Variants in PTK7 observed in about 807,000 individuals in gnomAD.
PTK7 encodes protein tyrosine kinase 7 (inactive).
PTK7 carries 39 observed loss-of-function variants against 116.6 expected under a neutral mutation model. The ratio of observed to expected loss-of-function variants is 0.33; its 90% CI spans 0.26 to 0.44. The LOEUF (loss-of-function observed/expected upper bound fraction) is 0.44, where lower values mean the gene tolerates loss of function less well. Ranked by LOEUF, PTK7 falls within the 20% of genes least tolerant of loss-of-function variation. PTK7 has a pLI of 1.00. For missense variants in PTK7, 1,169 were observed against 1,425.6 expected, an observed-to-expected ratio of 0.82 and a Z score of 2.90; for synonymous variants, 546 against 563.6, an observed-to-expected ratio of 0.97 and a Z score of 0.44.
At chr6:43,100,594 A>T (rs1388809224) in intron 1 of PTK7, among the ~76,000 whole-genome samples, 1 of 152,164 alleles carries the variant, frequency 6.6e-6, no homozygotes, top group African/African-American at 2.4e-5. Flanking sequence ...TGAAGTTCCC[A>T]AATACTTTAT....
At position 43,076,781 on chromosome 6, in the gene PTK7, C is replaced by T. The variant is rs1026933140; in HGVS notation, c.79+214C>T. 78 of 1,406,224 alleles carry T rather than the reference C, an allele frequency of 5.5e-5. No homozygotes were observed. The African/African-American group carries it at 8.3e-4, about 15-fold the overall frequency. 87.1% of individuals were successfully genotyped at this position (1,406,224 alleles called of 1,614,324 possible). ...CAGGGACGCGGTCAGGGTACCCCTC[C>T]CACTCGCGCCGCGGGGACGCATTTC... is the stretch of plus-strand genomic sequence containing the variant. On this transcript the variant is annotated intron_variant, in intron 1 of 19. Transcript: ENST00000230419. The surrounding 1 kb of genome is among the most constrained non-coding windows in gnomAD (Gnocchi z 5.7).
intron 3 of PTK7, 145 bp from the exon 4 acceptor site, chr6:43,130,085 T>TG: frequency 1.1e-6 from 1 of 875,130 alleles, no homozygotes; most frequent in South Asian, 1.6e-5. Flanking sequence ...AATTACTGTG[T>TG]GCCCTTTTGC....
chr6:43,138,712 G>T, intron 7 of PTK7, 137 bp from the exon 8 acceptor site: 1 of 1,276,642 alleles, frequency 7.8e-7, no homozygotes, highest in South Asian at 1.7e-5. Flanking sequence ...CTTCCGTAAA[G>T]GGAAACTCCT....
chr6:43,131,832 T>C, intron 5 of PTK7, 184 bp from the exon 6 acceptor site: 1 of 746,132 alleles, frequency 1.3e-6, no homozygotes, highest in South Asian at 1.7e-5. Context: ...CACCTGCACG[T>C]GCACCTGAGC....
At chr6:43,114,912 C>G (rs979101315) in intron 1 of PTK7, among the ~76,000 whole-genome samples, 9 of 151,958 alleles carry the variant, frequency 5.9e-5, no homozygotes, top group African/African-American at 1.9e-4. Flanking sequence ...CATGGTGGCA[C>G]GTGCCTGTAA....
At chr6:43,106,598 C>T (rs895396969) in intron 1 of PTK7, among the ~76,000 whole-genome samples, 1 of 151,844 alleles carries the variant, frequency 6.6e-6, no homozygotes, top group Admixed American at 6.6e-5. Flanking sequence ...CACACCCGCC[C>T]CTTTCCTTCG....
chr6:43,146,613 C>T lies in PTK7; in HGVS notation c.2641-5C>T, dbSNP rs1770745908. 4 of 1,613,372 alleles carry T rather than the reference C, an allele frequency of 2.5e-6. No individual in the cohort carries two copies. Among genetic ancestry groups the T allele is most frequent in the African/African-American group, 1.3e-5 (1 of 75,006 alleles). ...CCTGAGCGAGATGCCTGGCTTTTCC[C>T]TTAGGGAGACCTCAAGCAGTTCCTG... is the stretch of plus-strand genomic sequence containing the variant. On this transcript the variant is annotated splice_region_variant and splice_polypyrimidine_tract_variant and intron_variant, in intron 16 of 19. Coordinates refer to ENST00000230419, the MANE Select transcript of PTK7 (RefSeq NM_002821.5).
At chr6:43,093,069 CTT>C (rs1767043483) in intron 1 of PTK7, among the ~76,000 whole-genome samples, 2 of 151,256 alleles carry the variant, frequency 1.3e-5, no homozygotes, top group African/African-American at 4.9e-5. Flanking sequence ...GGCGGGGTGA[CTT>C]TAAGTCTTTA....
chr6:43,094,882 T>C (rs1767154344), intron 1 of PTK7, among the ~76,000 whole-genome samples: 1 of 151,230 alleles, frequency 6.6e-6, no homozygotes, highest in Admixed American at 6.6e-5. Flanking sequence ...CTGTCTCTAC[T>C]GAAAATACAA....
At chr6:43,103,559 A>G (rs1467482589) in intron 1 of PTK7, among the ~76,000 whole-genome samples, 1 of 152,144 alleles carries the variant, frequency 6.6e-6, no homozygotes, top group East Asian at 1.9e-4. Context: ...GATCGGAGTC[A>G]AATATGCCCA....
intron 7 of PTK7, among the ~76,000 whole-genome samples, chr6:43,137,409 T>C (rs1471441841): frequency 6.6e-6 from 1 of 152,194 alleles, no homozygotes; most frequent in Non-Finnish European, 1.5e-5. Flanking sequence ...AAGACAAGGC[T>C]AGCTTTTTGG....
At chr6:43,151,224 T>G (rs1163596520) in intron 17 of PTK7, among the ~76,000 whole-genome samples, 2 of 151,464 alleles carry the variant, frequency 1.3e-5, no homozygotes, top group Admixed American at 1.3e-4. Flanking sequence ...TTTTTTTTTT[T>G]TCTTGAGACC....
intron 1 of PTK7, among the ~76,000 whole-genome samples, chr6:43,122,843 G>A (rs956517455): frequency 6.6e-6 from 1 of 152,146 alleles, no homozygotes; most frequent in African/African-American, 2.4e-5. Context: ...CTGACCTTGA[G>A]TGGTCTACCT....
chr6:43,146,836 G>T, intron 17 of PTK7, 138 bp downstream of exon 17: 1 of 729,342 alleles, frequency 1.4e-6, no homozygotes, highest in African/African-American at 1.8e-5. Context: ...TAATTATCAC[G>T]GTAGTCGTCT....
At chr6:43,095,005 C>G in intron 1 of PTK7, among the ~76,000 whole-genome samples, 1 of 149,450 alleles carries the variant, frequency 6.7e-6, no homozygotes, top group Non-Finnish European at 1.5e-5. Context: ...AATCATGCCA[C>G]TGCGCTCCAG....
chr6:43,110,471 G>A (rs961117380), intron 1 of PTK7, among the ~76,000 whole-genome samples: 6 of 151,836 alleles, frequency 4.0e-5, no homozygotes, highest in African/African-American at 1.2e-4. Context: ...GGAGTACAGT[G>A]GCGCAATCTT....
intron 1 of PTK7, among the ~76,000 whole-genome samples, chr6:43,123,723 G>A (rs1321309200): frequency 1.3e-5 from 2 of 152,218 alleles, no homozygotes; most frequent in African/African-American, 4.8e-5. Flanking sequence ...TTGCAGCTCC[G>A]GCTTTGTTGG....
At chr6:43,077,049 T>C in intron 1 of PTK7, 1 of 1,330,558 alleles carries the variant, frequency 7.5e-7, no homozygotes, top group Non-Finnish European at 9.6e-7. Context: ...GCGCGGAGCT[T>C]TGTTACCTAC....
At chr6:43,081,228 C>A (rs1027711562) in intron 1 of PTK7, among the ~76,000 whole-genome samples, 8 of 152,336 alleles carry the variant, frequency 5.3e-5, no homozygotes, top group African/African-American at 1.9e-4. Flanking sequence ...GCTGTCCTAT[C>A]TCTCCTGCCA....
Sources: allele counts gnomAD v4.1 joint callset (sites outside exome capture counted in the v4.1 genomes callset), GRCh38; gene constraint gnomAD v4.1.1; non-coding constraint Gnocchi (gnomAD v3.1); transcripts MANE v1.5; gene names NCBI Gene and HGNC (gene_info 2026-07-23, HGNC 2026-07-21).